Variants in MSH3 observed in about 807,000 individuals in gnomAD.
MSH3 encodes the protein mutS homolog 3.
In MSH3, 106 loss-of-function variants were observed where a neutral mutation model predicts 123.3. That is an observed-to-expected ratio of 0.86 (90% confidence interval 0.73 to 1.01). The LOEUF (loss-of-function observed/expected upper bound fraction) is 1.01, where lower values mean the gene tolerates loss of function less well. Ranked by LOEUF, MSH3 falls within the 50% of genes least tolerant of loss-of-function variation. MSH3 has a pLI of 0.00. For synonymous variants in MSH3, 515 were observed against 481.4 expected (o/e 1.07, Z -0.91); for missense variants, 1,459 against 1,347.6 (o/e 1.08, Z -1.29).
At chr5:80,672,948 C>A (rs1342273383) in intron 6 of MSH3, 90 bp downstream of exon 6, 2 of 1,036,036 alleles carry the variant, frequency 1.9e-6, no homozygotes, top group African/African-American at 3.1e-5. Context: ...TTTTTAGTTG[C>A]TCTTTGGGAA....
chr5:80,699,885 T>C (rs1750570189), intron 8 of MSH3, among the ~76,000 whole-genome samples: 1 of 152,192 alleles, frequency 6.6e-6, no homozygotes, highest in African/African-American at 2.4e-5. Context: ...GGCACTAGCC[T>C]CCCCTCTGGC....
intron 8 of MSH3, among the ~76,000 whole-genome samples, chr5:80,722,047 T>C (rs1417387180): frequency 1.3e-5 from 2 of 152,228 alleles, no homozygotes; most frequent in Non-Finnish European, 2.9e-5. Context: ...AAAAAAAATA[T>C]ATAAACTATA....
intron 19 of MSH3, among the ~76,000 whole-genome samples, chr5:80,793,157 G>T (rs959238989): frequency 6.6e-6 from 1 of 152,198 alleles, no homozygotes; most frequent in African/African-American, 2.4e-5. Flanking sequence ...GCAAATTCAT[G>T]TTAGCATGTA....
At chr5:80,722,668 A>G (rs1218646877) in intron 8 of MSH3, among the ~76,000 whole-genome samples, 1 of 152,248 alleles carries the variant, frequency 6.6e-6, no homozygotes, top group Non-Finnish European at 1.5e-5. Context: ...CCAAAGCTGT[A>G]TAAAACCTTC....
At chr5:80,687,992 A>T (rs1750131410) in intron 8 of MSH3, among the ~76,000 whole-genome samples, 1 of 152,214 alleles carries the variant, frequency 6.6e-6, no homozygotes, top group African/African-American at 2.4e-5. Context: ...AACCAGGACA[A>T]GGTAGGGATG....
intron 12 of MSH3, among the ~76,000 whole-genome samples, chr5:80,751,559 C>T (rs907794196): frequency 6.6e-6 from 1 of 152,116 alleles, no homozygotes; most frequent in Non-Finnish European, 1.5e-5. Flanking sequence ...TGTGCTGGCA[C>T]CCTTTGGCGT....
chr5:80,656,029 T>C (rs1331824035), intron 1 of MSH3, among the ~76,000 whole-genome samples: 2 of 152,244 alleles, frequency 1.3e-5, no homozygotes, highest in Non-Finnish European at 2.9e-5. Flanking sequence ...TTATTACCTA[T>C]CTTTTCCCCT....
intron 3 of MSH3, among the ~76,000 whole-genome samples, chr5:80,666,578 A>G (rs552957026): frequency 6.6e-6 from 1 of 152,326 alleles, no homozygotes; most frequent in South Asian, 2.1e-4. Context: ...ATTAAAGCTC[A>G]CTTTATTGAT....
In MSH3 at chr5:80,670,085, T is replaced by G; in HGVS notation, c.580-12T>G. ...AATATTTTTAAAACTTTATACATCT[T>G]TTGGTTGCCAGGACACAACACTTTT... On this transcript the variant is annotated splice_polypyrimidine_tract_variant and intron_variant, in intron 3 of 23. Coordinates refer to ENST00000265081, the MANE Select transcript of MSH3 (RefSeq NM_002439.5). 1 of 1,613,124 alleles carries G rather than the reference T, an allele frequency of 6.2e-7. No homozygotes were observed.
Position 80,670,224 on chromosome 5 carries a change from A to G in MSH3, c.707A>G (p.Tyr236Cys). 1 of 1,614,184 alleles carries G rather than the reference A, an allele frequency of 6.2e-7. No individual in the cohort carries two copies. The highest frequency in any genetic ancestry group is 1.7e-4 in the Middle Eastern group (1 of 6,060). Residue 236 changes from tyrosine to cysteine, a missense_variant, in exon 4 of 24, where the codon TAC (tyrosine) becomes TGC (cysteine). Coordinates refer to ENST00000265081, the MANE Select transcript of MSH3 (RefSeq NM_002439.5). ...KSIYTPLELQ[Y>C]IEMKQQHKDA... ...ATCTATACGCCGCTAGAATTACAATACATAGAAATGAAGCAGCAGCACAAA... is the reference window on the plus strand; with the variant it reads ...ATCTATACGCCGCTAGAATTACAATGCATAGAAATGAAGCAGCAGCACAAA...
At chr5:80,690,096 T>A (rs991884325) in intron 8 of MSH3, among the ~76,000 whole-genome samples, 6 of 152,000 alleles carry the variant, frequency 3.9e-5, no homozygotes, top group African/African-American at 7.2e-5. Flanking sequence ...TTAAAAAAAA[T>A]TTTGTAGAGA....
At chr5:80,726,612 G>A (rs1366539470) in intron 9 of MSH3, among the ~76,000 whole-genome samples, 14 of 152,046 alleles carry the variant, frequency 9.2e-5, no homozygotes, top group East Asian at 3.9e-4. Context: ...GACTACAGGC[G>A]TGCGCCACCA....
intron 12 of MSH3, among the ~76,000 whole-genome samples, chr5:80,747,141 C>T (rs998449042): frequency 6.6e-6 from 1 of 152,318 alleles, no homozygotes; most frequent in African/African-American, 2.4e-5. Context: ...AGGGATGCAG[C>T]ATTGTGGCTG....
chr5:80,655,768 G>A (rs536765009), intron 1 of MSH3, among the ~76,000 whole-genome samples: 1 of 152,074 alleles, frequency 6.6e-6, no homozygotes, highest in Admixed American at 6.5e-5. Context: ...TGTTCCTTTC[G>A]TATATATTTC....
intron 10 of MSH3, among the ~76,000 whole-genome samples, chr5:80,738,203 A>G (rs1181696031): frequency 1.3e-5 from 2 of 152,200 alleles, no homozygotes; most frequent in Non-Finnish European, 2.9e-5. Flanking sequence ...TGGTAATTAT[A>G]TGTAGATGAA....
At position 80,813,686 on chromosome 5, in the gene MSH3, TC is replaced by T. The variant is rs751326348; in HGVS notation, c.2760del (p.Tyr921MetfsTer36). The T allele has an allele frequency of 6.8e-6, 11 of 1,614,008 alleles. No homozygotes were observed. The highest frequency in any genetic ancestry group is 8.5e-6 in the Non-Finnish European group (10 of 1,180,038). The part of the protein sequence containing the change: ...ALITIMAQIG[S>X]YVPAEEATIG... ...GATTACCATCATGGCTCAGATTGGC[TC>T]CTATGTTCCTGCAGAAGAAGCGACA... On this transcript the variant is annotated frameshift_variant, in exon 20 of 24. Transcript: ENST00000265081. LOFTEE classifies it high-confidence loss of function.
intron 20 of MSH3, 28 bp from the exon 21 acceptor site, chr5:80,854,102 A>C (rs776482245): frequency 3.8e-6 from 6 of 1,586,988 alleles, no homozygotes; most frequent in Non-Finnish European, 3.5e-6. Flanking sequence ...TGAAGAGGAA[A>C]ATCAAGGTGT....
chr5:80,825,114 T>A (rs26910), intron 20 of MSH3, among the ~76,000 whole-genome samples: 16,700 of 152,212 alleles, frequency 0.11, 1,196 homozygotes, highest in Middle Eastern at 0.17. Context: ...TATGAAATAA[T>A]TCAGACGTAT....
chr5:80,869,816 A>G (rs926473509), intron 22 of MSH3, among the ~76,000 whole-genome samples: 12 of 72,728 alleles, frequency 1.6e-4, no homozygotes, highest in African/African-American at 5.8e-4. Flanking sequence ...ATATATACAT[A>G]TATATATACA....
Sources: allele counts gnomAD v4.1 joint callset (sites outside exome capture counted in the v4.1 genomes callset), GRCh38; gene constraint gnomAD v4.1.1; transcripts MANE v1.5; gene names NCBI Gene and HGNC (gene_info 2026-07-23, HGNC 2026-07-21).